The following DENND4C variants were observed in gnomAD, a reference collection of about 807,000 sequenced individuals.
DENND4C encodes the protein DENN domain containing 4C.
Under a neutral mutation model 203.0 loss-of-function variants are expected in DENND4C, and 108 were observed. That is an observed-to-expected ratio of 0.53 (90% CI 0.46 to 0.62). The LOEUF (loss-of-function observed/expected upper bound fraction) is 0.62, where lower values mean the gene tolerates loss of function less well. DENND4C is among the 20% of genes least tolerant of loss of function. The probability of loss-of-function intolerance (pLI) is 0.00; values close to 1 mark genes in which losing one functional copy is unlikely to be tolerated. For missense variants in DENND4C, 2,481 were observed against 2,301.2 expected (o/e 1.08, Z -1.60); for synonymous variants, 871 against 792.4 (o/e 1.10, Z -1.67).
At chr9:19,279,784 G>A (rs1833661614) in intron 2 of DENND4C, among the ~76,000 whole-genome samples, 2 of 152,060 alleles carry the variant, frequency 1.3e-5, no homozygotes, top group African/African-American at 2.4e-5. Flanking sequence ...GAGTGGCTCC[G>A]ATTGTGCCAC....
chr9:19,242,716 C>T (rs529250367), intron 1 of DENND4C, among the ~76,000 whole-genome samples: 1 of 151,284 alleles, frequency 6.6e-6, no homozygotes, highest in African/African-American at 2.4e-5. Context: ...AGTGCAATGG[C>T]GAGATCTCGG....
chr9:19,266,184 A>G (rs1204534132), intron 1 of DENND4C, among the ~76,000 whole-genome samples: 3 of 152,048 alleles, frequency 2.0e-5, no homozygotes, highest in African/African-American at 4.8e-5. Flanking sequence ...TGTGGTTTTG[A>G]TTTGCATTTC....
chr9:19,323,411 CAGAGCT>C (rs1843217177), intron 12 of DENND4C, among the ~76,000 whole-genome samples: 1 of 145,174 alleles, frequency 6.9e-6, no homozygotes, highest in African/African-American at 2.6e-5. Context: ...GCCTGGGCGA[CAGAGCT>C]AGACTCTGTC....
rs528683259 is a variant in DENND4C at position 19,321,547 on chromosome 9, A to G, written c.1808-2815A>G. ...AAAAAGAGACTTGAGTATGCTGATG[A>G]GAAATAGCTAATAGAGGCCAGACGC... On this transcript the variant is annotated intron_variant, in intron 12 of 32. Transcript: ENST00000434457. Among the ~76,000 whole-genome samples the G allele has an allele frequency of 1.1e-4, 16 of 151,822 alleles. 1 individual carries two copies. In the East Asian group the frequency reaches 3.1e-3, roughly 29 times the overall value.
At chr9:19,333,184 T>C (rs2131814224) in intron 17 of DENND4C, among the ~76,000 whole-genome samples, 1 of 152,044 alleles carries the variant, frequency 6.6e-6, no homozygotes, top group East Asian at 1.9e-4. Flanking sequence ...CTAATTTTTT[T>C]AGTTTTATTT....
At chr9:19,299,613 A>G (rs1838141625) in intron 8 of DENND4C, among the ~76,000 whole-genome samples, 1 of 152,092 alleles carries the variant, frequency 6.6e-6, no homozygotes, top group African/African-American at 2.4e-5. Flanking sequence ...AATGTCTCAA[A>G]TCCTTTTACT....
In DENND4C at chr9:19,358,739, C is replaced by G. The variant is rs1825883042; in HGVS notation, c.5160+579C>G. On this transcript the variant is annotated intron_variant, in intron 28 of 32. Coordinates refer to ENST00000434457, the MANE Select transcript of DENND4C (RefSeq NM_001330640.2). This position sits in a 1 kb window ranked among gnomAD's most constrained non-coding sequence, Gnocchi z 4.8. ...GAATCTGTAGACTCTTTTCCTCTTG[C>G]AATTTATTTGTTGATAAAACTGGTT... 6.6e-6 allele frequency among the ~76,000 whole-genome samples: 1 copy of G among 151,790 alleles called. No homozygotes were observed. Among genetic ancestry groups the G allele is most frequent in the African/African-American group, 2.4e-5 (1 of 41,100 alleles).
At chr9:19,339,152 A>C (rs1263172825) in intron 20 of DENND4C, among the ~76,000 whole-genome samples, 2 of 152,152 alleles carry the variant, frequency 1.3e-5, no homozygotes, top group African/African-American at 4.8e-5. Flanking sequence ...TCTTTTTCCT[A>C]AGTCATGTGA....
rs1563850336 is a variant in DENND4C, at chr9:19,369,995, T to A, written c.5675+8T>A. 1 of 1,612,168 alleles carries A rather than the reference T, an allele frequency of 6.2e-7. No individual in the cohort carries two copies. Among genetic ancestry groups the A allele is most frequent in the Non-Finnish European group, 8.5e-7 (1 of 1,179,372 alleles). On this transcript the variant is annotated splice_region_variant and intron_variant, in intron 31 of 32. Coordinates refer to ENST00000434457, the MANE Select transcript of DENND4C (RefSeq NM_001330640.2). The stretch of plus-strand genomic sequence containing the variant: ...AGGCATGAAAAGACAAAGGTAATAA[T>A]CCAGTATTTTTTGCTTGCCACCACT...
At chr9:19,295,051 A>G (rs1306569529) in intron 5 of DENND4C, among the ~76,000 whole-genome samples, 2 of 152,176 alleles carry the variant, frequency 1.3e-5, no homozygotes, top group African/African-American at 4.8e-5. Context: ...GGTACGTTTA[A>G]TGTTATATAT....
intron 31 of DENND4C, among the ~76,000 whole-genome samples, chr9:19,370,777 C>G (rs1264659533): frequency 1.3e-5 from 2 of 152,228 alleles, no homozygotes; most frequent in Non-Finnish European, 2.9e-5. Context: ...ATCCCCTCCT[C>G]AACATAAGTG....
At chr9:19,342,108 G>A (rs1821787604) in intron 21 of DENND4C, among the ~76,000 whole-genome samples, 1 of 121,102 alleles carries the variant, frequency 8.3e-6, no homozygotes, top group Non-Finnish European at 1.6e-5. Context: ...TGGGCGACAA[G>A]AGCAAGACTC....
chr9:19,282,045 T>C (rs2131010294), intron 2 of DENND4C, among the ~76,000 whole-genome samples: 1 of 152,302 alleles, frequency 6.6e-6, no homozygotes, highest in South Asian at 2.1e-4. Context: ...TACTGTATAC[T>C]ACTATAGACT....
At chr9:19,370,714 G>C (rs1336818810) in intron 31 of DENND4C, among the ~76,000 whole-genome samples, 5 of 152,228 alleles carry the variant, frequency 3.3e-5, no homozygotes, top group Non-Finnish European at 7.3e-5. Flanking sequence ...AAAGGATATG[G>C]AGTTATTGTG....
At chr9:19,329,031 A>C (rs560550389) in intron 16 of DENND4C, among the ~76,000 whole-genome samples, 1 of 152,302 alleles carries the variant, frequency 6.6e-6, no homozygotes, top group African/African-American at 2.4e-5. Flanking sequence ...CCTGGGCAAC[A>C]AGAGCAAAAT....
chr9:19,291,690 G>A (rs1001640563), intron 5 of DENND4C, among the ~76,000 whole-genome samples: 8 of 129,594 alleles, frequency 6.2e-5, no homozygotes, highest in Admixed American at 3.4e-4. Context: ...AGGCTACAGA[G>A]CGATACTCTT....
At chr9:19,361,142 C>T (rs1479194313) in intron 29 of DENND4C, among the ~76,000 whole-genome samples, 2 of 152,150 alleles carry the variant, frequency 1.3e-5, no homozygotes, top group Non-Finnish European at 2.9e-5. Context: ...GGATTACAGG[C>T]GTGAGCGACT....
intron 21 of DENND4C, among the ~76,000 whole-genome samples, chr9:19,341,662 G>C (rs1280925143): frequency 6.6e-6 from 1 of 152,102 alleles, no homozygotes; most frequent in Admixed American, 6.5e-5. Context: ...CCAGGGAAGT[G>C]TGACCCATTG....
chr9:19,271,647 C>T (rs1288690039), intron 1 of DENND4C, among the ~76,000 whole-genome samples: 2 of 151,866 alleles, frequency 1.3e-5, no homozygotes, highest in Non-Finnish European at 2.9e-5. Flanking sequence ...GGGCGGATCA[C>T]CTGAGGTGGT....
Sources: gnomAD v4.1 joint callset for allele counts (sites outside exome capture counted in the v4.1 genomes callset) on GRCh38, gnomAD v4.1.1 for gene constraint, Gnocchi (gnomAD v3.1) non-coding constraint, MANE v1.5 for transcripts, NCBI Gene and HGNC (gene_info 2026-07-23, HGNC 2026-07-21) for gene names.